Variants in GARNL3 observed in about 807,000 individuals in gnomAD.
GARNL3 encodes GTPase activating Rap/RanGAP domain like 3.
GARNL3 carries 63 observed loss-of-function variants against 125.0 expected under a neutral mutation model. The ratio of observed to expected loss-of-function variants is 0.50; its 90% CI spans 0.41 to 0.62. GARNL3 has a LOEUF of 0.62. Ranked by LOEUF, GARNL3 falls within the 20% of genes least tolerant of loss-of-function variation. The pLI, the probability that GARNL3 is intolerant of heterozygous loss-of-function variation, is 0.00. For missense variants in GARNL3, 994 were observed against 1,244.0 expected (o/e 0.80, Z 3.02); for synonymous variants, 439 against 457.5 (o/e 0.96, Z 0.52).
At chr9:127,302,186 C>T (rs2064815850) in intron 2 of GARNL3, among the ~76,000 whole-genome samples, 1 of 151,908 alleles carries the variant, frequency 6.6e-6, no homozygotes, top group African/African-American at 2.4e-5. Context: ...TCATGATCCA[C>T]CCGCCTCGGC....
intron 27 of GARNL3, 89 bp downstream of exon 27, chr9:127,390,856 C>T: frequency 7.5e-7 from 1 of 1,339,570 alleles, no homozygotes; most frequent in South Asian, 1.4e-5. Flanking sequence ...TTGATAATGC[C>T]ACTAGTGGCC....
At chr9:127,377,334 G>C (rs1441225773) in intron 22 of GARNL3, among the ~76,000 whole-genome samples, 1 of 151,956 alleles carries the variant, frequency 6.6e-6, no homozygotes, top group East Asian at 1.9e-4. Context: ...AGGACAATTG[G>C]ACAAACTTTT....
At chr9:127,300,413 T>C (rs1464145762) in intron 2 of GARNL3, 5 of 400,254 alleles carry the variant, frequency 1.2e-5, no homozygotes, top group Non-Finnish European at 1.9e-5. Flanking sequence ...TATTCTTCTC[T>C]TCTGCCCCTG....
chr9:127,330,170 T>C (rs1164360418), intron 7 of GARNL3, among the ~76,000 whole-genome samples: 1 of 152,252 alleles, frequency 6.6e-6, no homozygotes, highest in Non-Finnish European at 1.5e-5. Flanking sequence ...TGATGCCTAG[T>C]CAAGTTTGAG....
At position 127,389,053 on chromosome 9, in the gene GARNL3, C is replaced by G. The variant is rs1832696581; in HGVS notation, c.2677C>G (p.His893Asp). ...GGGCCTTGCTGCCATTCCAGTCACGCACTCCTTGTCCCTGTCTCGCATGGA... is the reference window on the plus strand; with the variant it reads ...GGGCCTTGCTGCCATTCCAGTCACGGACTCCTTGTCCCTGTCTCGCATGGA... Reference protein sequence around the residue: ...SVGLAAIPVTHSLSLSRMEIK... With the variant: ...SVGLAAIPVTDSLSLSRMEIK... Residue 893 changes from histidine to aspartate, a missense_variant, in exon 26 of 28, where the codon CAC (histidine) becomes GAC (aspartate). Transcript: ENST00000373387. The G allele has an allele frequency of 2.5e-6, 4 of 1,614,058 alleles. No individual in the cohort carries two copies. Among genetic ancestry groups the G allele is most frequent in the Non-Finnish European group, 3.4e-6 (4 of 1,180,022 alleles).
intron 12 of GARNL3, 45 bp downstream of exon 12, chr9:127,338,206 T>A: frequency 7.1e-7 from 1 of 1,400,950 alleles, no homozygotes; most frequent in East Asian, 2.3e-5. Context: ...ATTCTCATGC[T>A]TGTTAATTTA....
At chr9:127,356,430 C>G (rs1333122825) in intron 20 of GARNL3, 1 of 152,174 alleles carries the variant, frequency 6.6e-6, no homozygotes, top group East Asian at 1.9e-4. Flanking sequence ...CTTTTAAAGA[C>G]TAGGGTACAT....
chr9:127,348,829 A>T, intron 16 of GARNL3, 95 bp from the exon 17 acceptor site: 1 of 757,792 alleles, frequency 1.3e-6, no homozygotes, highest in African/African-American at 1.8e-5. Flanking sequence ...TATCTGTGTT[A>T]CTGTTTCAGG....
At chr9:127,353,048 C>G (rs1007548192) in intron 17 of GARNL3, among the ~76,000 whole-genome samples, 1 of 152,098 alleles carries the variant, frequency 6.6e-6, no homozygotes, top group African/African-American at 2.4e-5. Context: ...ATTTTAGCCC[C>G]CTGTGTCCTC....
At chr9:127,273,363 T>A (rs2063870959) in intron 1 of GARNL3, among the ~76,000 whole-genome samples, 1 of 152,254 alleles carries the variant, frequency 6.6e-6, no homozygotes, top group African/African-American at 2.4e-5. Flanking sequence ...CAAATACCGC[T>A]GTCCTTAATC....
At chr9:127,299,253 C>T (rs1029570240) in intron 2 of GARNL3, among the ~76,000 whole-genome samples, 1 of 146,334 alleles carries the variant, frequency 6.8e-6, no homozygotes, top group Non-Finnish European at 1.5e-5. Flanking sequence ...GGAGGTGGAG[C>T]TTGCAGTCAG....
At position 127,300,064 on chromosome 9, in the gene GARNL3, C is replaced by T. The variant is rs569587185; in HGVS notation, c.219+8822C>T. 92 of 309,054 alleles carry T rather than the reference C, an allele frequency of 3.0e-4. 1 individual carries two copies. The South Asian group carries it at 3.5e-3, about 12-fold the overall frequency. 19.1% of individuals were successfully genotyped at this position (309,054 alleles called of 1,614,324 possible). ...GGCCATATCGAGATTAAGCTCAGGT[C>T]ATTAAAAACAGACAGATTTTCAAAA... On this transcript the variant is annotated intron_variant, in intron 2 of 27. Coordinates refer to ENST00000373387, the MANE Select transcript of GARNL3 (RefSeq NM_032293.5).
chr9:127,270,556 C>G (rs537081338), intron 1 of GARNL3, among the ~76,000 whole-genome samples: 29 of 152,308 alleles, frequency 1.9e-4, no homozygotes, highest in African/African-American at 7.0e-4. Flanking sequence ...GTCATTCTTA[C>G]TGATGGATTC....
At chr9:127,284,317 A>G (rs2064184291) in intron 1 of GARNL3, among the ~76,000 whole-genome samples, 1 of 152,226 alleles carries the variant, frequency 6.6e-6, no homozygotes, top group South Asian at 2.1e-4. Flanking sequence ...TATAGAATGA[A>G]TGAATATAAT....
chr9:127,289,786 A>G (rs1246712715), intron 1 of GARNL3, among the ~76,000 whole-genome samples: 1 of 152,228 alleles, frequency 6.6e-6, no homozygotes, highest in Non-Finnish European at 1.5e-5. Flanking sequence ...CTGTTTGGAC[A>G]AGTTGAAATT....
In GARNL3 at chr9:127,349,031, G is replaced by A; in HGVS notation, c.1539G>A (p.Val513=). 1.2e-6 allele frequency: 2 copies of A among 1,607,286 alleles called. No homozygotes were observed. The highest frequency in any genetic ancestry group is 1.7e-6 in the Non-Finnish European group (2 of 1,173,724). Residue 513 remains valine (V), a synonymous_variant, in exon 17 of 28, where the codon GTG becomes GTA. Coordinates refer to ENST00000373387, the MANE Select transcript of GARNL3 (RefSeq NM_032293.5). ...LVSTDAGVLL[V]DDDLPSVPVF... ...CCACTGATGCTGGCGTCTTGCTAGT[G>A]GATGGTTAGTGAGTAGCTGCTCCTA...
chr9:127,319,387 T>C (rs945535142), intron 5 of GARNL3, among the ~76,000 whole-genome samples: 2 of 151,626 alleles, frequency 1.3e-5, no homozygotes, highest in Non-Finnish European at 2.9e-5. Context: ...GAGGCTGAGG[T>C]GGGAGAATTG....
intron 7 of GARNL3, 56 bp downstream of exon 7, chr9:127,325,151 A>G (rs1338541254): frequency 3.2e-6 from 5 of 1,543,058 alleles, no homozygotes; most frequent in Non-Finnish European, 3.6e-6. Flanking sequence ...TTGTAAATAT[A>G]TTTCTCCTTT....
chr9:127,261,797 C>T (rs971346696), upstream of GARNL3, among the ~76,000 whole-genome samples: 9 of 152,116 alleles, frequency 5.9e-5, no homozygotes, highest in African/African-American at 1.2e-4. Context: ...TGTTATTGTT[C>T]GGGATCCAGA....
Sources: allele counts gnomAD v4.1 joint callset (sites outside exome capture counted in the v4.1 genomes callset), GRCh38; gene constraint gnomAD v4.1.1; transcripts MANE v1.5; gene names NCBI Gene and HGNC (gene_info 2026-07-23, HGNC 2026-07-21).